Variants in MTHFS observed in about 807,000 individuals in gnomAD.
MTHFS encodes the protein 5-formyltetrahydrofolate cyclo-ligase.
In MTHFS, 7 loss-of-function variants were observed where a neutral mutation model predicts 12.7. That is an observed-to-expected ratio of 0.55 (90% CI 0.31 to 1.03). The LOEUF (loss-of-function observed/expected upper bound fraction) is 1.03. MTHFS is among the 50% of genes least tolerant of loss of function. The probability of loss-of-function intolerance (pLI) is 0.05; values close to 1 mark genes in which losing one functional copy is unlikely to be tolerated. For synonymous variants in MTHFS, 100 were observed against 97.1 expected, an observed-to-expected ratio of 1.03 and a Z score of -0.18; for missense variants, 252 against 258.1, an observed-to-expected ratio of 0.98 and a Z score of 0.16.
intron 2 of MTHFS, among the ~76,000 whole-genome samples, chr15:79,853,829 C>T (rs1232843151): frequency 6.6e-6 from 1 of 152,194 alleles, no homozygotes; most frequent in African/African-American, 2.4e-5. Context: ...TTAGAAATAG[C>T]CTTTCTCTTT....
chr15:79,872,247 C>T (rs2034119876), intron 2 of MTHFS, among the ~76,000 whole-genome samples: 1 of 151,846 alleles, frequency 6.6e-6, no homozygotes, highest in Non-Finnish European at 1.5e-5. Context: ...ATACTCTTTA[C>T]AGAGATCATT....
At chr15:79,852,713 C>T (rs1566987645) in intron 2 of MTHFS, among the ~76,000 whole-genome samples, 1 of 152,222 alleles carries the variant, frequency 6.6e-6, no homozygotes, top group Non-Finnish European at 1.5e-5. Context: ...TAAGTACCAA[C>T]ACCATGTAAG....
At chr15:79,863,222 C>T (rs973707044) in intron 2 of MTHFS, among the ~76,000 whole-genome samples, 1 of 152,158 alleles carries the variant, frequency 6.6e-6, no homozygotes, top group South Asian at 2.1e-4. Flanking sequence ...CTCATCCATT[C>T]GAATCCATCA....
intron 2 of MTHFS, among the ~76,000 whole-genome samples, chr15:79,858,109 T>C (rs556223765): frequency 1.3e-5 from 2 of 151,890 alleles, no homozygotes; most frequent in Non-Finnish European, 2.9e-5. Flanking sequence ...CAAAATTTAA[T>C]GGATTCAAAT....
At chr15:79,869,040 T>C (rs190326446) in intron 2 of MTHFS, among the ~76,000 whole-genome samples, 62 of 152,102 alleles carry the variant, frequency 4.1e-4, no homozygotes, top group African/African-American at 1.2e-3. Flanking sequence ...ATACAGTACT[T>C]TGGGGTACTG....
At chr15:79,881,929 G>A (rs2034303124) in intron 2 of MTHFS, among the ~76,000 whole-genome samples, 1 of 152,172 alleles carries the variant, frequency 6.6e-6, no homozygotes, top group Admixed American at 6.5e-5. Flanking sequence ...GATGAAGCAA[G>A]GACAGTAAGG....
At chr15:79,892,031 A>G (rs546327067) in intron 1 of MTHFS, among the ~76,000 whole-genome samples, 1 of 151,784 alleles carries the variant, frequency 6.6e-6, no homozygotes, top group Non-Finnish European at 1.5e-5. Flanking sequence ...AATGGGGGCC[A>G]TGGGTGCTGA....
chr15:79,888,954 C>T (rs2034426424), intron 2 of MTHFS, 139 bp downstream of exon 2: 19 of 1,316,386 alleles, frequency 1.4e-5, no homozygotes, highest in Middle Eastern at 5.0e-4. Flanking sequence ...CCAGGTAATA[C>T]AGGTGTCTTG....
chr15:79,873,567 A>T (rs925898482), intron 2 of MTHFS, among the ~76,000 whole-genome samples: 3 of 152,094 alleles, frequency 2.0e-5, no homozygotes, highest in Non-Finnish European at 4.4e-5. Flanking sequence ...AAAAAAAAAT[A>T]CTGTATATCA....
At chr15:79,895,084 G>C (rs1357867692) in intron 1 of MTHFS, among the ~76,000 whole-genome samples, 4 of 152,092 alleles carry the variant, frequency 2.6e-5, no homozygotes, top group Admixed American at 6.6e-5. Context: ...ACCTACAAGA[G>C]TGATATTATC....
chr15:79,890,228 T>C (rs1239262247), intron 1 of MTHFS, among the ~76,000 whole-genome samples: 1 of 108,744 alleles, frequency 9.2e-6, no homozygotes, highest in African/African-American at 3.4e-5. Flanking sequence ...TTTTTTTTTT[T>C]TTTTTTTGAG....
chr15:79,887,181 C>T (rs959185011), intron 2 of MTHFS, among the ~76,000 whole-genome samples: 2 of 152,160 alleles, frequency 1.3e-5, no homozygotes, highest in African/African-American at 4.8e-5. Flanking sequence ...GCCGAGATAG[C>T]GCCATTGCAC....
Position 79,889,310 on chromosome 15 carries a change from G to C in MTHFS, c.162C>G (p.Ile54Met), listed in dbSNP as rs762638887. ...SEYQKSKRIS[I>M]FLSMQDEIET... ...CAATTTCATCTTGCATGCTCAGAAAGATGGAAATTCTTTTGGACTTTTGAT... is the reference window on the plus strand; with the variant it reads ...CAATTTCATCTTGCATGCTCAGAAACATGGAAATTCTTTTGGACTTTTGAT... The change falls in exon 2 of 3, where the codon ATC becomes ATG. Residue 54 changes from isoleucine to methionine, a missense_variant. By Grantham distance (10) the Ile-to-Met change is conservative. Coordinates refer to ENST00000258874, the MANE Select transcript of MTHFS (RefSeq NM_006441.4). 1 of 1,614,036 alleles carries C rather than the reference G, an allele frequency of 6.2e-7. No individual in the cohort carries two copies. Among genetic ancestry groups the C allele is most frequent in the East Asian group, 2.2e-5 (1 of 44,902 alleles).
Position 79,845,384 on chromosome 15 carries a change from C to T in MTHFS, c.438G>A (p.Leu146=), listed in dbSNP as rs568565247. ...GLGFDKHGNR[L]GRGKGYYDAY... ...CATCATAGTAGCCCTTGCCCCTCCC[C>T]AGTCGGTTGCCATGTTTGTCAAACC... Residue 146 remains leucine, a synonymous_variant, in exon 3 of 3, where the codon CTG becomes CTA. Coordinates refer to ENST00000258874, the MANE Select transcript of MTHFS (RefSeq NM_006441.4). 6.2e-7 allele frequency: 1 copy of T among 1,614,176 alleles called. No individual in the cohort carries two copies. Among genetic ancestry groups the T allele is most frequent in the Non-Finnish European group, 8.5e-7 (1 of 1,180,034 alleles).
chr15:79,843,729 T>A lies in MTHFS; in HGVS notation c.*1481A>T, dbSNP rs898455424. 2.0e-5 allele frequency: 3 copies of A among 152,238 alleles called. No homozygotes were observed. In the South Asian group the frequency reaches 6.2e-4, roughly 31 times the overall value. The allele number at this position is 152,238 out of a possible 1,614,324, so 9.4% of individuals were successfully genotyped here. The stretch of plus-strand genomic sequence containing the variant: ...GTACTAAGCATAAGAAGTATAAAGA[T>A]CACTTCTTTTCTTTGGAGCTCACAG... On this transcript the variant is annotated 3_prime_UTR_variant, in exon 3 of 3. Coordinates refer to ENST00000258874, the MANE Select transcript of MTHFS (RefSeq NM_006441.4).
At chr15:79,868,551 G>C (rs2034050666) in intron 2 of MTHFS, among the ~76,000 whole-genome samples, 1 of 152,208 alleles carries the variant, frequency 6.6e-6, no homozygotes, top group Non-Finnish European at 1.5e-5. Flanking sequence ...GAGTGTTTTA[G>C]GATGAGATTA....
At chr15:79,897,086 G>A, upstream of MTHFS, 1 of 1,187,790 alleles carries the variant, frequency 8.4e-7, no homozygotes, top group Non-Finnish European at 1.1e-6. Flanking sequence ...CCGCGGCCTA[G>A]GGGCGGGTCG....
At chr15:79,868,130 A>C (rs1464449673) in intron 2 of MTHFS, among the ~76,000 whole-genome samples, 1 of 152,240 alleles carries the variant, frequency 6.6e-6, no homozygotes, top group African/African-American at 2.4e-5. Flanking sequence ...ATGCAAAATC[A>C]AGTATCTAGC....
chr15:79,866,797 A>G (rs1242259742), intron 2 of MTHFS, among the ~76,000 whole-genome samples: 1 of 150,424 alleles, frequency 6.6e-6, no homozygotes, highest in Non-Finnish European at 1.5e-5. Context: ...CCAAAAACAC[A>G]AAAAAGTTAG....
Sources: allele counts gnomAD v4.1 joint callset (sites outside exome capture counted in the v4.1 genomes callset), GRCh38; gene constraint gnomAD v4.1.1; transcripts MANE v1.5; gene names NCBI Gene and HGNC (gene_info 2026-07-23, HGNC 2026-07-21).